Variants in ARK2C observed in about 807,000 individuals in gnomAD.
ARK2C encodes the protein arkadia (RNF111) C-terminal like ring finger ubiquitin ligase 2C.
the ARK2C span, among the ~76,000 whole-genome samples, chr18:46,448,464 T>TC: frequency 6.6e-6 from 1 of 152,122 alleles, no homozygotes; most frequent in Non-Finnish European, 1.5e-5. Context: ...CAGGGTGTGG[T>TC]CTGTGGGTAA....
the ARK2C span, among the ~76,000 whole-genome samples, chr18:46,428,424 C>G: frequency 6.3e-4 from 96 of 151,940 alleles, 1 homozygote; most frequent in Middle Eastern, 0.01. Context: ...AAAAGAAAAA[C>G]AAAAACAAAA....
At chr18:46,362,763 G>A in the ARK2C span, among the ~76,000 whole-genome samples, 1 of 152,218 alleles carries the variant, frequency 6.6e-6, no homozygotes, top group Admixed American at 6.5e-5. Flanking sequence ...TGCTTGACAA[G>A]TTTCTCTTTT....
the ARK2C span, among the ~76,000 whole-genome samples, chr18:46,411,868 C>T: frequency 1.3e-5 from 2 of 152,214 alleles, no homozygotes; most frequent in Non-Finnish European, 2.9e-5. Flanking sequence ...CCTCCCTGGT[C>T]CCTTTCTCCT....
chr18:46,412,807 C>T, the ARK2C span, among the ~76,000 whole-genome samples: 1 of 152,142 alleles, frequency 6.6e-6, no homozygotes, highest in Non-Finnish European at 1.5e-5. Context: ...TTTCATGCTT[C>T]AGATGGCACA....
At chr18:46,389,387 G>C in the ARK2C span, among the ~76,000 whole-genome samples, 2 of 152,168 alleles carry the variant, frequency 1.3e-5, 1 homozygote, top group Non-Finnish European at 2.9e-5. Context: ...AGTCCCACTG[G>C]ACAGACTCAC....
At chr18:46,383,620 T>C in the ARK2C span, among the ~76,000 whole-genome samples, 1 of 145,242 alleles carries the variant, frequency 6.9e-6, no homozygotes, top group Non-Finnish European at 1.5e-5. Context: ...AGTGGTGCGA[T>C]CTCAGCTCAC....
chr18:46,374,302 C>G, the ARK2C span, among the ~76,000 whole-genome samples: 5 of 152,162 alleles, frequency 3.3e-5, no homozygotes, highest in African/African-American at 1.2e-4. Context: ...TTAAGTGCCA[C>G]AGTTTAGTGA....
chr18:46,336,978 C>G, the ARK2C span: 1 of 985,280 alleles, frequency 1.0e-6, no homozygotes, highest in Non-Finnish European at 1.2e-6. Flanking sequence ...GAGCCATGGC[C>G]ATAGCGTCTT....
the ARK2C span, among the ~76,000 whole-genome samples, chr18:46,339,754 G>A: frequency 6.6e-6 from 1 of 152,102 alleles, no homozygotes; most frequent in Non-Finnish European, 1.5e-5. Context: ...ATAATTTTCC[G>A]CAAACCAGCA....
the ARK2C span, among the ~76,000 whole-genome samples, chr18:46,406,141 A>T: frequency 6.6e-6 from 1 of 152,014 alleles, no homozygotes; most frequent in Non-Finnish European, 1.5e-5. Flanking sequence ...ACTTACCCCA[A>T]CACACATGCA....
At chr18:46,405,438 G>A in the ARK2C span, among the ~76,000 whole-genome samples, 1 of 152,214 alleles carries the variant, frequency 6.6e-6, no homozygotes, top group African/African-American at 2.4e-5. Flanking sequence ...TGCTACAGCA[G>A]TGGCCCAGGC....
At chr18:46,406,197 G>A in the ARK2C span, among the ~76,000 whole-genome samples, 18 of 152,086 alleles carry the variant, frequency 1.2e-4, no homozygotes, top group African/African-American at 4.1e-4. Context: ...ATCCAGAGTC[G>A]TCACAAACTT....
the ARK2C span, among the ~76,000 whole-genome samples, chr18:46,346,877 G>C: frequency 6.6e-6 from 1 of 152,194 alleles, no homozygotes; most frequent in Non-Finnish European, 1.5e-5. Flanking sequence ...GCATATTTCA[G>C]CTTAATTGTG....
the ARK2C span, among the ~76,000 whole-genome samples, chr18:46,444,977 G>C: frequency 6.6e-6 from 1 of 151,288 alleles, no homozygotes; most frequent in Admixed American, 6.6e-5. Context: ...TTGTATATTT[G>C]AATATGATTA....
chr18:46,385,431 A>G, the ARK2C span, among the ~76,000 whole-genome samples: 3,407 of 152,260 alleles, frequency 0.022, 53 homozygotes, highest in Middle Eastern at 0.051. Flanking sequence ...GGGATTCTGA[A>G]GAGGAAGGTG....
At chr18:46,447,899 G>T in the ARK2C span, among the ~76,000 whole-genome samples, 13 of 147,844 alleles carry the variant, frequency 8.8e-5, no homozygotes, top group Non-Finnish European at 1.5e-4. Context: ...TTGTGTCCTG[G>T]CTCCCTGGCA....
At chr18:46,348,382 G>A in the ARK2C span, among the ~76,000 whole-genome samples, 20 of 152,316 alleles carry the variant, frequency 1.3e-4, no homozygotes, top group South Asian at 2.9e-3. Flanking sequence ...ATTGGCCAGC[G>A]TTGCTGGTGG....
chr18:46,346,399 C>A, the ARK2C span, among the ~76,000 whole-genome samples: 1 of 151,988 alleles, frequency 6.6e-6, no homozygotes, highest in Admixed American at 6.6e-5. Flanking sequence ...ATTTCCAAAA[C>A]TTTTAAATCA....
chr18:46,369,409 G>A, the ARK2C span, among the ~76,000 whole-genome samples: 1 of 152,116 alleles, frequency 6.6e-6, no homozygotes, highest in African/African-American at 2.4e-5. Context: ...GGAGAGGACA[G>A]GGCAGGGAGG....
Sources: allele counts gnomAD v4.1 joint callset (sites outside exome capture counted in the v4.1 genomes callset), GRCh38; gene constraint gnomAD v4.1.1; transcripts MANE v1.5; gene names NCBI Gene and HGNC (gene_info 2026-07-23, HGNC 2026-07-21).